CAND2: variants seen among roughly 807,000 people sequenced by gnomAD.
The protein encoded by CAND2 is cullin associated and neddylation dissociated 2 (putative).
In CAND2, 62 loss-of-function variants were observed where a neutral mutation model predicts 98.9. The observed-to-expected ratio is 0.63, with a 90% CI of 0.51 to 0.77. The LOEUF (loss-of-function observed/expected upper bound fraction) is 0.77. Ranked by LOEUF, CAND2 falls within the 30% of genes least tolerant of loss-of-function variation. The pLI, the probability that CAND2 is intolerant of heterozygous loss-of-function variation, is 0.00. For missense variants in CAND2, 1,501 were observed against 1,655.2 expected, an observed-to-expected ratio of 0.91 and a Z score of 1.62; for synonymous variants, 770 against 731.9, an observed-to-expected ratio of 1.05 and a Z score of -0.84.
In CAND2 at chr3:12,808,350, T is replaced by C; in HGVS notation, c.491+17T>C. 1 of 1,550,964 alleles carries C rather than the reference T, an allele frequency of 6.4e-7. No individual in the cohort carries two copies. Among genetic ancestry groups the C allele is most frequent in the Non-Finnish European group, 8.7e-7 (1 of 1,146,668 alleles). ...GCTGAGCAGGTGTGGGAGGCCATCC[T>C]GGGTATTGAGGAAGAGTGGGTAAAA... is the stretch of plus-strand genomic sequence containing the variant. On this transcript the variant is annotated intron_variant, in intron 4 of 14. Transcript: ENST00000456430.
chr3:12,810,368 A>G (rs2061842331), intron 5 of CAND2, 44 bp downstream of exon 5: 7 of 1,379,972 alleles, frequency 5.1e-6, no homozygotes, highest in Admixed American at 3.4e-5. Flanking sequence ...TGGTGGGCGG[A>G]GCTTAGGGTG....
rs756456426 is a variant in CAND2 at position 12,807,493 on chromosome 3, T to A, written c.367+33T>A. 23 of 1,526,748 alleles carry A rather than the reference T, an allele frequency of 1.5e-5. No homozygotes were observed. The South Asian group carries it at 2.7e-4, about 18-fold the overall frequency. The allele number at this position is 1,526,748 out of a possible 1,614,324, so 94.6% of individuals were successfully genotyped here. ...GGTCCCCAGGACTAGGTACTGTTAG[T>A]ATTTGTCCTAGTTTATGGTAAAAAA... On this transcript the variant is annotated intron_variant, in intron 3 of 14. Coordinates refer to ENST00000456430, the MANE Select transcript of CAND2 (RefSeq NM_001162499.2).
At chr3:12,832,672 A>G (rs534084143) in intron 14 of CAND2, 2 of 152,304 alleles carry the variant, frequency 1.3e-5, no homozygotes, top group South Asian at 4.1e-4. Flanking sequence ...GCATGAGGCT[A>G]TGATCTTTAA....
chr3:12,823,798 G>A (rs2061978542), intron 11 of CAND2, among the ~76,000 whole-genome samples: 1 of 152,162 alleles, frequency 6.6e-6, no homozygotes. Flanking sequence ...CTGGGAGGCT[G>A]AGGCCTGAGA....
In CAND2 at chr3:12,810,401, C is replaced by T. The variant is rs113830445; in HGVS notation, c.757+77C>T. 1,500 of 1,162,428 alleles carry T rather than the reference C, an allele frequency of 1.3e-3. 21 individuals carry two copies. The East Asian group carries it at 0.033, about 25-fold the overall frequency. The allele number at this position is 1,162,428 out of a possible 1,614,324, so 72.0% of individuals were successfully genotyped here. A position where few individuals can be genotyped will look rare whatever the true frequency, so the allele number is the denominator to read the frequency against. On this transcript the variant is annotated intron_variant, in intron 5 of 14. Coordinates refer to ENST00000456430, the MANE Select transcript of CAND2 (RefSeq NM_001162499.2). ...GTGAGCCAATGACTCGGTAAAGGGG[C>T]GGAGCTTGGGCCGCAGTGCAGCCAG...
At position 12,810,210 on chromosome 3, in the gene CAND2, G is replaced by A. The variant is rs140295185; in HGVS notation, c.643G>A (p.Ala215Thr). The change falls in exon 5 of 15, where the codon GCT (alanine) becomes ACT (threonine). Residue 215 changes from alanine (A) to threonine (T), a missense_variant. Physicochemically the swap from Ala to Thr is moderately conservative, Grantham distance 58. Transcript: ENST00000456430. ...ACSTDLFVEL[A>T]DHLLDRLPGP... ...CAGCACCGACCTCTTCGTCGAGCTC[G>A]CTGACCACCTACTGGACCGGCTGCC... 7,880 of 1,542,864 alleles carry A rather than the reference G, an allele frequency of 5.1e-3. 40 individuals are homozygous for A. The highest frequency in any genetic ancestry group is 5.5e-3 in the Non-Finnish European group (6,339 of 1,148,672).
At chr3:12,832,983 A>C (rs896902926) in intron 14 of CAND2, among the ~76,000 whole-genome samples, 6 of 152,186 alleles carry the variant, frequency 3.9e-5, no homozygotes, top group African/African-American at 7.2e-5. Flanking sequence ...TCCTCTTGGC[A>C]ACTCTTACGA....
chr3:12,822,298 C>CTTTTT (rs532826939), intron 11 of CAND2, among the ~76,000 whole-genome samples: 2 of 131,992 alleles, frequency 1.5e-5, no homozygotes, highest in African/African-American at 2.9e-5. Flanking sequence ...ATGTTTCAAT[C>CTTTTT]TTTTTTTTTT....
chr3:12,825,862 G>A (rs1329117397), intron 12 of CAND2, among the ~76,000 whole-genome samples: 1 of 152,204 alleles, frequency 6.6e-6, no homozygotes, highest in East Asian at 1.9e-4. Flanking sequence ...TTGTGTCTGC[G>A]TCATAGGGTT....
intron 10 of CAND2, among the ~76,000 whole-genome samples, chr3:12,818,183 G>C: frequency 6.9e-6 from 1 of 145,536 alleles, no homozygotes; most frequent in South Asian, 2.1e-4. Context: ...CAGCACTTTG[G>C]GGAGGCTGAG....
chr3:12,832,338 G>A (rs768605688), intron 14 of CAND2: 1 of 152,202 alleles, frequency 6.6e-6, no homozygotes, highest in Non-Finnish European at 1.5e-5. Flanking sequence ...TACAGGGCCA[G>A]GCCAGTTTTG....
chr3:12,823,007 G>A (rs989850114), intron 11 of CAND2, among the ~76,000 whole-genome samples: 5 of 151,806 alleles, frequency 3.3e-5, no homozygotes, highest in Admixed American at 2.0e-4. Context: ...TAGCTGCTTC[G>A]TATTGCAGTC....
intron 11 of CAND2, among the ~76,000 whole-genome samples, chr3:12,823,678 C>T (rs1342998548): frequency 2.0e-5 from 3 of 151,708 alleles, no homozygotes; most frequent in African/African-American, 4.8e-5. Context: ...TGCAGTGAGC[C>T]GAGATTGCGC....
In CAND2 at chr3:12,815,272, G is replaced by A. The variant is rs367649451; in HGVS notation, c.1138G>A (p.Val380Met). ...CGATTTCCACTGCACCCTGGCACCTGTGCTCATCCGCCGCTTCAAAGAACG... is the reference window on the plus strand; with the variant it reads ...CGATTTCCACTGCACCCTGGCACCTATGCTCATCCGCCGCTTCAAAGAACG... The part of the protein sequence containing the change: ...LPDFHCTLAP[V>M]LIRRFKEREE... The change falls in exon 8 of 15, where the codon GTG (valine) becomes ATG (methionine). Residue 380 changes from valine (V) to methionine (M), a missense_variant. This residue lies in a region of CAND2 where 1,427 missense variants were observed against 1,545.3 expected (regional missense o/e 0.92). Coordinates refer to ENST00000456430, the MANE Select transcript of CAND2 (RefSeq NM_001162499.2). The surrounding 1 kb of genome is among the most constrained non-coding windows in gnomAD (Gnocchi z 5.7). 3.6e-5 allele frequency: 58 copies of A among 1,613,942 alleles called. 1 individual carries two copies. In the South Asian group the frequency reaches 5.6e-4, roughly 16 times the overall value.
intron 2 of CAND2, 30 bp from the exon 3 acceptor site, chr3:12,807,276 C>T: frequency 6.5e-7 from 1 of 1,546,142 alleles, no homozygotes; most frequent in South Asian, 1.2e-5. Flanking sequence ...ACCTTGTGCC[C>T]TTGGATTCAC....
intron 9 of CAND2, 114 bp downstream of exon 9, chr3:12,816,122 C>A: frequency 8.8e-7 from 1 of 1,141,758 alleles, no homozygotes; most frequent in Non-Finnish European, 1.3e-6. Context: ...ATCCCAGGCT[C>A]AGTCCCTGGT....
At chr3:12,824,764 C>T (rs9864731) in intron 11 of CAND2, among the ~76,000 whole-genome samples, 2,800 of 152,136 alleles carry the variant, frequency 0.018, 73 homozygotes, top group African/African-American at 0.062. Flanking sequence ...AAAAATTAGC[C>T]AGGCATGGTG....
chr3:12,833,403 G>A (rs753659457), intron 14 of CAND2, among the ~76,000 whole-genome samples: 1 of 152,180 alleles, frequency 6.6e-6, no homozygotes, highest in Non-Finnish European at 1.5e-5. Context: ...TTTAAGCACA[G>A]CAAATATAGG....
At position 12,817,224 on chromosome 3, in the gene CAND2, G is replaced by T. The variant is rs2061914775; in HGVS notation, c.2292G>T (p.Leu764=). 1 of 1,613,630 alleles carries T rather than the reference G, an allele frequency of 6.2e-7. No homozygotes were observed. The highest frequency in any genetic ancestry group is 1.7e-5 in the Admixed American group (1 of 60,014). ...LAAAEGFLQA[L]VGTRPPCVDY... Reference sequence around the variant, plus strand: ...CTGCTGAAGGCTTCCTGCAGGCCCTGGTAGGGACCCGTCCCCCGTGTGTGG... The same window carrying T: ...CTGCTGAAGGCTTCCTGCAGGCCCTTGTAGGGACCCGTCCCCCGTGTGTGG... Residue 764 remains leucine, a synonymous_variant, in exon 10 of 15, where the codon CTG becomes CTT. Coordinates refer to ENST00000456430, the MANE Select transcript of CAND2 (RefSeq NM_001162499.2).
Sources: allele counts gnomAD v4.1 joint callset (sites outside exome capture counted in the v4.1 genomes callset), GRCh38; gene constraint gnomAD v4.1.1; regional missense constraint gnomAD v4.1.1; non-coding constraint Gnocchi (gnomAD v3.1); transcripts MANE v1.5; gene names NCBI Gene and HGNC (gene_info 2026-07-23, HGNC 2026-07-21).